Variants in ATP2C2 observed in about 807,000 individuals in gnomAD.
The protein encoded by ATP2C2 is calcium-transporting ATPase type 2C member 2.
ATP2C2 carries 171 observed loss-of-function variants against 110.8 expected under a neutral mutation model. That is an observed-to-expected ratio of 1.54 (90% CI 1.36 to 1.75). The LOEUF is 1.75. ATP2C2 is among the 40% of genes most tolerant of loss of function. ATP2C2 has a pLI of 0.00. For missense variants in ATP2C2, 1,963 were observed against 1,235.0 expected, an observed-to-expected ratio of 1.59 and a Z score of -8.84; for synonymous variants, 804 against 508.4, an observed-to-expected ratio of 1.58 and a Z score of -7.82.
At chr16:84,436,001 T>C (rs1286023803) in intron 11 of ATP2C2, among the ~76,000 whole-genome samples, 1 of 152,090 alleles carries the variant, frequency 6.6e-6, no homozygotes. Context: ...TGGTGGCACA[T>C]GCCTGTAATT....
chr16:84,441,136 G>A (rs749910378), intron 14 of ATP2C2, among the ~76,000 whole-genome samples, 178 bp downstream of exon 14: 17 of 152,202 alleles, frequency 1.1e-4, no homozygotes, highest in Non-Finnish European at 1.8e-4. Flanking sequence ...GACATCAGAA[G>A]TAAGACGACA....
chr16:84,410,133 C>T (rs1026681733), intron 4 of ATP2C2, among the ~76,000 whole-genome samples: 2 of 152,080 alleles, frequency 1.3e-5, no homozygotes, highest in Admixed American at 6.5e-5. Context: ...CGCTTGAAAC[C>T]GGGAGGCGGA....
intron 7 of ATP2C2, among the ~76,000 whole-genome samples, chr16:84,419,238 A>AG (rs1555559559): frequency 7.2e-6 from 1 of 138,356 alleles, no homozygotes; most frequent in Non-Finnish European, 1.6e-5. Context: ...AAAAAAAAAA[A>AG]GTGCTACTGG....
Position 84,396,710 on chromosome 16 carries a change from G to C in ATP2C2, c.100-1789G>C, listed in dbSNP as rs894317981. ...ATCAAGCACTTTATTTGGTACGACG[G>C]GAGCAGATCTTGAGAATGGGGGGAA... On this transcript the variant is annotated intron_variant, in intron 1 of 26. Transcript: ENST00000262429. Among the ~76,000 whole-genome samples, 28 of 151,832 alleles carry C rather than the reference G, an allele frequency of 1.8e-4. 2 individuals carry two copies. Among genetic ancestry groups the C allele is most frequent in the African/African-American group, 6.1e-4 (25 of 41,130 alleles).
chr16:84,369,732 G>T (rs1246821071), intron 1 of ATP2C2, among the ~76,000 whole-genome samples: 1 of 152,182 alleles, frequency 6.6e-6, no homozygotes, highest in African/African-American at 2.4e-5. Context: ...AAAACATTTT[G>T]TTTGTGAGAT....
chr16:84,454,490 C>A (rs1327876126), intron 20 of ATP2C2, among the ~76,000 whole-genome samples: 5 of 152,028 alleles, frequency 3.3e-5, no homozygotes, highest in South Asian at 2.1e-4. Flanking sequence ...CAGGGCCGCA[C>A]TGTTGATTAC....
intron 25 of ATP2C2, 56 bp from the exon 26 acceptor site, chr16:84,461,932 G>C (rs994337146): frequency 1.9e-6 from 3 of 1,608,580 alleles, no homozygotes; most frequent in East Asian, 2.2e-5. Flanking sequence ...GAGCTCCCCT[G>C]CCTGTACCTG....
chr16:84,392,960 T>TAGG (rs1328101693), intron 1 of ATP2C2, among the ~76,000 whole-genome samples: 1 of 152,196 alleles, frequency 6.6e-6, no homozygotes, highest in Non-Finnish European at 1.5e-5. Flanking sequence ...CCTGACAGCG[T>TAGG]AGGTGCATCA....
intron 1 of ATP2C2, among the ~76,000 whole-genome samples, chr16:84,398,109 A>G (rs1412254886): frequency 6.6e-6 from 1 of 151,870 alleles, no homozygotes; most frequent in Non-Finnish European, 1.5e-5. Flanking sequence ...ATGCTTTAAA[A>G]AAAACACATG....
rs1024602987 is a variant in ATP2C2, at chr16:84,463,795, C to G, written c.*63C>G. 5.7e-6 allele frequency: 8 copies of G among 1,398,928 alleles called. No individual in the cohort carries two copies. In the Admixed American group the frequency reaches 8.5e-5, roughly 15 times the overall value. The allele number at this position is 1,398,928 out of a possible 1,614,324, so 86.7% of individuals were successfully genotyped here. ...ATCTGGTTGTGACTGTGGCCCCTGC[C>G]GTGTCTCCTCGTCAGGGGAGACTTT... On this transcript the variant is annotated 3_prime_UTR_variant, in exon 27 of 27. Transcript: ENST00000262429.
At chr16:84,369,180 C>A (rs1909806607) in intron 1 of ATP2C2, among the ~76,000 whole-genome samples, 1 of 152,222 alleles carries the variant, frequency 6.6e-6, no homozygotes. Context: ...AGCTGAGGGA[C>A]CTCCCAGCCT....
rs369081249 is a variant in ATP2C2 at position 84,460,810 on chromosome 16, G to C, written c.2481+9G>C. ...TTATCTTCTGGAAGGAGGTGAGCGA[G>C]GGTCACCCCGGCCTGTTCTCCAAGC... On this transcript the variant is annotated intron_variant, in intron 24 of 26. Coordinates refer to ENST00000262429, the MANE Select transcript of ATP2C2 (RefSeq NM_014861.4). The C allele has an allele frequency of 1.2e-6, 2 of 1,606,850 alleles. No homozygotes were observed. Among genetic ancestry groups the C allele is most frequent in the Non-Finnish European group, 1.7e-6 (2 of 1,175,362 alleles).
At chr16:84,430,648 A>AAAG (rs1908192898) in intron 11 of ATP2C2, among the ~76,000 whole-genome samples, 1 of 151,628 alleles carries the variant, frequency 6.6e-6, no homozygotes, top group East Asian at 1.9e-4. Flanking sequence ...TCAAAAAAAA[A>AAAG]AAAAAAAAAG....
chr16:84,369,185 C>T (rs1909807031), intron 1 of ATP2C2, among the ~76,000 whole-genome samples: 1 of 152,212 alleles, frequency 6.6e-6, no homozygotes, highest in Admixed American at 6.5e-5. Context: ...AGGGACCTCC[C>T]AGCCTCACTT....
At chr16:84,399,804 A>T (rs892205659) in intron 2 of ATP2C2, among the ~76,000 whole-genome samples, 1 of 152,172 alleles carries the variant, frequency 6.6e-6, no homozygotes, top group Non-Finnish European at 1.5e-5. Flanking sequence ...AAAATGTACA[A>T]TTAAATTATT....
intron 9 of ATP2C2, 149 bp downstream of exon 9, chr16:84,422,846 A>G (rs1907475586): frequency 3.3e-6 from 3 of 920,812 alleles, no homozygotes. Flanking sequence ...TTTTTTTTTA[A>G]TAGAGACAGG....
At chr16:84,425,401 A>T (rs1053921743) in intron 10 of ATP2C2, among the ~76,000 whole-genome samples, 1 of 152,188 alleles carries the variant, frequency 6.6e-6, no homozygotes, top group African/African-American at 2.4e-5. Context: ...TTGCCACAAC[A>T]AACACCACAT....
At position 84,416,122 on chromosome 16, in the gene ATP2C2, C is replaced by T. The variant is rs1022616887; in HGVS notation, c.624+531C>T. On this transcript the variant is annotated intron_variant, in intron 7 of 26. Coordinates refer to ENST00000262429, the MANE Select transcript of ATP2C2 (RefSeq NM_014861.4). ...CCGGGAGGCGGAGGTTGCAGTGAGC[C>T]GAGACCACGCCACTGCACTCTAGCC... 1.1e-4 allele frequency among the ~76,000 whole-genome samples: 16 copies of T among 152,228 alleles called. No homozygotes were observed. In the East Asian group the frequency reaches 1.7e-3, roughly 17 times the overall value.
intron 3 of ATP2C2, chr16:84,407,315 C>G (rs545140278): frequency 6.5e-6 from 1 of 152,690 alleles, no homozygotes; most frequent in South Asian, 2.1e-4. Context: ...GGCTGGTGCT[C>G]TGAGGAGGTG....
Sources: gnomAD v4.1 joint callset for allele counts (sites outside exome capture counted in the v4.1 genomes callset) on GRCh38, gnomAD v4.1.1 for gene constraint, MANE v1.5 for transcripts, NCBI Gene and HGNC (gene_info 2026-07-23, HGNC 2026-07-21) for gene names.